Variants in SCML2 observed in about 807,000 individuals in gnomAD.
SCML2 encodes sex comb on midleg-like protein 2.
Under a neutral mutation model 48.4 loss-of-function variants are expected in SCML2, and 6 were observed. That is an observed-to-expected ratio of 0.12 (90% CI 0.07 to 0.24). The LOEUF is 0.24. Ranked by LOEUF, SCML2 falls within the 10% of genes least tolerant of loss-of-function variation. The probability of loss-of-function intolerance (pLI) is 1.00; values close to 1 mark genes in which losing one functional copy is unlikely to be tolerated. For synonymous variants in SCML2, 181 were observed against 189.5 expected (o/e 0.95, Z 0.37); for missense variants, 377 against 528.2 (o/e 0.71, Z 2.81).
chrX:18,343,360 A>AG (rs1173597436), intron 1 of SCML2, among the ~76,000 whole-genome samples: 23 of 109,040 alleles, frequency 2.1e-4, no homozygotes, highest in Non-Finnish European at 4.2e-4. Flanking sequence ...GGAAAAAAAA[A>AG]AGAGAGAGAG....
intron 2 of SCML2, among the ~76,000 whole-genome samples, chrX:18,332,541 T>C (rs924408263): frequency 8.9e-6 from 1 of 112,316 alleles, no homozygotes. Context: ...AACTGAGTGG[T>C]TGAAGAAAGG....
intron 7 of SCML2, among the ~76,000 whole-genome samples, chrX:18,273,982 C>A (rs1927545836): frequency 9.0e-6 from 1 of 111,279 alleles, no homozygotes; most frequent in Admixed American, 9.5e-5. Flanking sequence ...CCACCTCCAT[C>A]AGCAATAAAA....
At chrX:18,354,289 T>C (rs997996255) in intron 1 of SCML2, among the ~76,000 whole-genome samples, 6 of 112,778 alleles carry the variant, frequency 5.3e-5, no homozygotes, top group African/African-American at 1.9e-4. Flanking sequence ...CTGTCGGCGC[T>C]GCAGGCGAGG....
intron 1 of SCML2, among the ~76,000 whole-genome samples, chrX:18,350,392 A>G (rs1376757860): frequency 9.1e-6 from 1 of 109,387 alleles, no homozygotes; most frequent in Non-Finnish European, 1.9e-5. Flanking sequence ...CCTGGCCAAC[A>G]TGGTAAAACC....
rs1438988354 is a variant in SCML2, at chrX:18,242,605, A to G, written c.1823-15T>C. 4.2e-6 allele frequency: 5 copies of G among 1,191,506 alleles called. No individual in the cohort carries two copies. The highest frequency in any genetic ancestry group is 5.7e-6 in the Non-Finnish European group (5 of 883,899). On this transcript the variant is annotated splice_polypyrimidine_tract_variant and intron_variant, in intron 13 of 14. Coordinates refer to ENST00000251900, the MANE Select transcript of SCML2 (RefSeq NM_006089.3). ...ATAACTTGGAGCTTCAATGGGGGGGAAAAAAGACAAATCATACTTGACCTG... is the reference window on the plus strand; with the variant it reads ...ATAACTTGGAGCTTCAATGGGGGGGGAAAAAGACAAATCATACTTGACCTG...
intron 7 of SCML2, among the ~76,000 whole-genome samples, chrX:18,270,555 T>C (rs1055899215): frequency 2.7e-5 from 3 of 110,944 alleles, no homozygotes; most frequent in African/African-American, 9.8e-5. Context: ...ATTTTATTTA[T>C]TGCCATATCC....
rs780917114 is a variant in SCML2 at position 18,282,123 on chromosome X, C to CA, written c.731-16322dup. 2.1e-4 allele frequency among the ~76,000 whole-genome samples: 22 copies of CA among 105,939 alleles called. 1 individual carries two copies. The South Asian group carries it at 4.6e-3, about 22-fold the overall frequency. 92.0% of individuals were successfully genotyped at this position (105,939 alleles called of 115,157 possible). A position where few individuals can be genotyped will look rare whatever the true frequency, so the allele number is the denominator to read the frequency against. On this transcript the variant is annotated intron_variant, in intron 7 of 14. Transcript: ENST00000251900. Reference sequence around the variant, plus strand: ...GGGCAACAAGAGTGAAATTCCGTCTCAAAAAAAACAAAAACAAAACTGAGA... The same window carrying CA: ...GGGCAACAAGAGTGAAATTCCGTCTCAAAAAAAAACAAAAACAAAACTGAGA...
chrX:18,285,642 A>G (rs1234685437), intron 7 of SCML2, among the ~76,000 whole-genome samples: 1 of 111,139 alleles, frequency 9.0e-6, no homozygotes, highest in Non-Finnish European at 1.9e-5. Flanking sequence ...AATCCTGTAC[A>G]TGTACCGTCT....
chrX:18,335,363 G>A (rs1399960962), intron 1 of SCML2, among the ~76,000 whole-genome samples: 1 of 110,699 alleles, frequency 9.0e-6, no homozygotes, highest in Non-Finnish European at 1.9e-5. Context: ...AATTAGCCAG[G>A]TGTGGTGGTA....
chrX:18,257,670 A>T (rs913185998), intron 10 of SCML2, among the ~76,000 whole-genome samples: 1 of 109,421 alleles, frequency 9.1e-6, no homozygotes, highest in Non-Finnish European at 1.9e-5. Flanking sequence ...GGCAGATCAC[A>T]TGAGGCCAGG....
intron 1 of SCML2, among the ~76,000 whole-genome samples, chrX:18,351,063 G>A (rs2147576496): frequency 9.0e-6 from 1 of 110,517 alleles, no homozygotes. Context: ...GAGGTCAGGA[G>A]TTTTGAGACC....
intron 1 of SCML2, among the ~76,000 whole-genome samples, chrX:18,347,262 T>C (rs1299292040): frequency 9.2e-6 from 1 of 108,837 alleles, no homozygotes; most frequent in Non-Finnish European, 1.9e-5. Flanking sequence ...CTGGCCAACA[T>C]GGTAAAACCC....
At chrX:18,306,479 G>A (rs1259517619) in intron 6 of SCML2, among the ~76,000 whole-genome samples, 1 of 111,618 alleles carries the variant, frequency 9.0e-6, no homozygotes, top group Non-Finnish European at 1.9e-5. Flanking sequence ...AGTTCCAACT[G>A]AGCCACTCTC....
In SCML2 at chrX:18,289,395, T is replaced by C. The variant is rs947134725; in HGVS notation, c.730+15577A>G. 3.6e-5 allele frequency among the ~76,000 whole-genome samples: 4 copies of C among 112,607 alleles called. No individual in the cohort carries two copies. The East Asian group carries it at 1.1e-3, about 31-fold the overall frequency. On this transcript the variant is annotated intron_variant, in intron 7 of 14. Transcript: ENST00000251900. ...ATGAAAAAGAAAATATCAGCTGTATTAAATTTCATAGCTTTTGAGTCAGTC... is the reference window on the plus strand; with the variant it reads ...ATGAAAAAGAAAATATCAGCTGTATCAAATTTCATAGCTTTTGAGTCAGTC...
intron 7 of SCML2, among the ~76,000 whole-genome samples, chrX:18,293,730 T>C (rs1044819529): frequency 2.7e-5 from 3 of 112,004 alleles, no homozygotes; most frequent in Non-Finnish European, 5.6e-5. Flanking sequence ...ACACCAAAGA[T>C]GACATGAAAA....
chrX:18,265,579 A>G lies in SCML2; in HGVS notation c.948+6T>C. On this transcript the variant is annotated splice_donor_region_variant and intron_variant, in intron 8 of 14. Transcript: ENST00000251900. Reference sequence around the variant, plus strand: ...ATAATACAAATTAGGAGGACATACAACTAACCTTTTTTCCTGAGTTTGGAC... The same window carrying G: ...ATAATACAAATTAGGAGGACATACAGCTAACCTTTTTTCCTGAGTTTGGAC... 8.4e-7 allele frequency: 1 copy of G among 1,195,666 alleles called. No homozygotes were observed.
chrX:18,338,443 TAAA>T (rs776595733), intron 1 of SCML2, among the ~76,000 whole-genome samples: 1 of 68,056 alleles, frequency 1.5e-5, no homozygotes, highest in Non-Finnish European at 2.8e-5. Flanking sequence ...GACTCTGTCT[TAAA>T]AAAAAAAAAA....
chrX:18,313,509 G>A (rs767547216), intron 6 of SCML2, among the ~76,000 whole-genome samples: 2 of 111,446 alleles, frequency 1.8e-5, no homozygotes, highest in African/African-American at 6.5e-5. Flanking sequence ...CCCAGTCTTA[G>A]GCATGTCTTT....
chrX:18,266,753 T>C (rs1469629130), intron 7 of SCML2, among the ~76,000 whole-genome samples: 1 of 112,017 alleles, frequency 8.9e-6, no homozygotes, highest in African/African-American at 3.2e-5. Flanking sequence ...ACTATGTACA[T>C]GTAAATCTGA....
Sources: allele counts gnomAD v4.1 joint callset (sites outside exome capture counted in the v4.1 genomes callset), GRCh38; gene constraint gnomAD v4.1.1; transcripts MANE v1.5; gene names NCBI Gene and HGNC (gene_info 2026-07-23, HGNC 2026-07-21).